Variants in HDC observed in about 807,000 individuals in gnomAD.
The protein encoded by HDC is histidine decarboxylase.
In HDC, 27 loss-of-function variants were observed where a neutral mutation model predicts 64.4. That is an observed-to-expected ratio of 0.42 (90% CI 0.31 to 0.58). HDC has a LOEUF of 0.58. HDC is among the 20% of genes least tolerant of loss of function. The pLI, the probability that HDC is intolerant of heterozygous loss-of-function variation, is 0.16. For missense variants in HDC, 711 were observed against 833.9 expected, an observed-to-expected ratio of 0.85 and a Z score of 1.81; for synonymous variants, 305 against 314.2, an observed-to-expected ratio of 0.97 and a Z score of 0.31.
intron 2 of HDC, among the ~76,000 whole-genome samples, chr15:50,261,872 G>A (rs2045708362): frequency 6.6e-6 from 1 of 151,938 alleles, no homozygotes; most frequent in African/African-American, 2.4e-5. Flanking sequence ...ACCATGCCCA[G>A]CTAATTTTGT....
chr15:50,255,563 C>A (rs1236211425), intron 4 of HDC, among the ~76,000 whole-genome samples: 1 of 152,086 alleles, frequency 6.6e-6, no homozygotes, highest in African/African-American at 2.4e-5. Context: ...AATCCCAGCA[C>A]TTTGGGAGGA....
At chr15:50,251,137 T>C (rs2045549036) in intron 9 of HDC, among the ~76,000 whole-genome samples, 2 of 152,202 alleles carry the variant, frequency 1.3e-5, no homozygotes, top group African/African-American at 4.8e-5. Flanking sequence ...ATCAGCCTCA[T>C]TTGACACAAG....
intron 1 of HDC, among the ~76,000 whole-genome samples, chr15:50,264,949 G>A (rs1424078123): frequency 6.6e-6 from 1 of 152,196 alleles, no homozygotes; most frequent in Non-Finnish European, 1.5e-5. Context: ...TCAGCTGACA[G>A]TGCCTTAGGA....
intron 9 of HDC, among the ~76,000 whole-genome samples, chr15:50,250,295 G>A (rs2045537336): frequency 6.6e-6 from 1 of 152,198 alleles, no homozygotes; most frequent in Non-Finnish European, 1.5e-5. Flanking sequence ...TAGCTCTGAG[G>A]ACCCTCAGGA....
chr15:50,253,422 G>A (rs2045584294), intron 7 of HDC, 178 bp downstream of exon 7: 1 of 689,566 alleles, frequency 1.5e-6, no homozygotes, highest in African/African-American at 1.8e-5. Context: ...CACTGGGAAA[G>A]GCAATGTCCA....
Position 50,263,417 on chromosome 15 carries a change from A to G in HDC, c.32-10T>C, listed in dbSNP as rs373699511. The G allele has an allele frequency of 9.5e-5, 153 of 1,613,830 alleles. 1 individual carries two copies. Among genetic ancestry groups the G allele is most frequent in the Non-Finnish European group, 1.2e-4 (141 of 1,179,832 alleles). ...TCCACCATCTCTCTCCCTAGAAGTG[A>G]CATAGAGAAATCAGGCTGAAATCCC... On this transcript the variant is annotated splice_polypyrimidine_tract_variant and intron_variant, in intron 1 of 11. Coordinates refer to ENST00000267845, the MANE Select transcript of HDC (RefSeq NM_002112.4).
intron 2 of HDC, among the ~76,000 whole-genome samples, chr15:50,260,446 C>CT (rs2045687969): frequency 6.6e-6 from 1 of 152,118 alleles, no homozygotes; most frequent in South Asian, 2.1e-4. Context: ...ATCCTGTCTC[C>CT]TAGGGTTGTT....
At chr15:50,247,390 TA>T (rs1344407520) in intron 10 of HDC, among the ~76,000 whole-genome samples, 1 of 152,166 alleles carries the variant, frequency 6.6e-6, no homozygotes, top group African/African-American at 2.4e-5. Context: ...GCATAATAAT[TA>T]TTTTTTTTAA....
At chr15:50,253,337 A>G (rs2045583103) in intron 7 of HDC, 1 of 540,886 alleles carries the variant, frequency 1.8e-6, no homozygotes, top group African/African-American at 1.9e-5. Context: ...TAAGAGGATG[A>G]GAAAACCGAA....
Position 50,242,955 on chromosome 15 carries a change from G to A in HDC, c.1294C>T (p.Arg432Cys), listed in dbSNP as rs771125639. 129 of 1,613,922 alleles carry A rather than the reference G, an allele frequency of 8.0e-5. No homozygotes were observed. Among genetic ancestry groups the A allele is most frequent in the South Asian group, 2.5e-4 (23 of 91,074 alleles). The change falls in exon 12 of 12, where the codon CGT becomes TGT. Residue 432 changes from arginine to cysteine, a missense_variant. This residue lies in a region of HDC where 483 missense variants were observed against 540.9 expected (regional missense o/e 0.89). Transcript: ENST00000267845. ...NVLKEIAKAG[R>C]LFLIPATIQD... ...ATAGTGGCCGGGATGAGGAAGAGAC[G>A]GCCAGCTTTAGCTATTTCCTTTAAC... is the stretch of plus-strand genomic sequence containing the variant.
At chr15:50,258,641 A>C in intron 2 of HDC, 124 bp from the exon 3 acceptor site, 1 of 704,220 alleles carries the variant, frequency 1.4e-6, no homozygotes, top group South Asian at 1.5e-5. Context: ...TTTAAGCAGA[A>C]ATAAGTGACA....
At chr15:50,264,232 C>T (rs1262418221) in intron 1 of HDC, among the ~76,000 whole-genome samples, 1 of 152,052 alleles carries the variant, frequency 6.6e-6, no homozygotes, top group East Asian at 1.9e-4. Context: ...CTTTTTTGGA[C>T]TCATATGAGG....
chr15:50,263,425 A>G lies in HDC; in HGVS notation c.32-18T>C, dbSNP rs2045730868. On this transcript the variant is annotated intron_variant, in intron 1 of 11. Transcript: ENST00000267845. Reference sequence around the variant, plus strand: ...CTCTCTCCCTAGAAGTGACATAGAGAAATCAGGCTGAAATCCCCTGACTGG... The same window carrying G: ...CTCTCTCCCTAGAAGTGACATAGAGGAATCAGGCTGAAATCCCCTGACTGG... 6.2e-7 allele frequency: 1 copy of G among 1,613,284 alleles called. No individual in the cohort carries two copies. The highest frequency in any genetic ancestry group is 1.7e-5 in the Admixed American group (1 of 59,930).
At chr15:50,245,566 TGA>T (rs1213092174) in intron 10 of HDC, among the ~76,000 whole-genome samples, 1 of 152,232 alleles carries the variant, frequency 6.6e-6, no homozygotes, top group African/African-American at 2.4e-5. Context: ...TCATTTAATT[TGA>T]GAGAGGTAGT....
chr15:50,265,584 G>C lies in HDC; in HGVS notation c.31+9C>G. 6.2e-7 allele frequency: 1 copy of C among 1,613,448 alleles called. No homozygotes were observed. Among genetic ancestry groups the C allele is most frequent in the Non-Finnish European group, 8.5e-7 (1 of 1,179,434 alleles). On this transcript the variant is annotated intron_variant, in intron 1 of 11. Transcript: ENST00000267845. ...GCAGGGAAGAGGGCCAGGGATGCCC[G>C]TTGCTCACCTCTCTCTCTGTACTCC...
chr15:50,253,467 G>A lies in HDC; in HGVS notation c.787+133C>T, dbSNP rs927986394. The A allele has an allele frequency of 8.3e-6, 7 of 838,598 alleles. No individual in the cohort carries two copies. The African/African-American group carries it at 1.2e-4, about 14-fold the overall frequency. 51.9% of individuals were successfully genotyped at this position (838,598 alleles called of 1,614,324 possible). ...GGAAGAGACCCTCATGACCTTTGGT[G>A]GTTCTTCCCATGTCTCTGCATTGAC... On this transcript the variant is annotated intron_variant, in intron 7 of 11. Coordinates refer to ENST00000267845, the MANE Select transcript of HDC (RefSeq NM_002112.4).
intron 10 of HDC, 40 bp from the exon 11 acceptor site, chr15:50,243,284 A>C (rs2045428448): frequency 7.8e-7 from 1 of 1,285,030 alleles, no homozygotes; most frequent in Non-Finnish European, 1.1e-6. Context: ...ATTAATCATC[A>C]GACAAGAGAC....
chr15:50,255,899 T>G (rs1361426513), intron 4 of HDC, among the ~76,000 whole-genome samples: 2 of 152,228 alleles, frequency 1.3e-5, no homozygotes, highest in African/African-American at 4.8e-5. Context: ...CAACACCTCT[T>G]TGAGATAATT....
At position 50,248,362 on chromosome 15, in the gene HDC, A is replaced by G. The variant is rs1250355268; in HGVS notation, c.1042-19T>C. 6.3e-7 allele frequency: 1 copy of G among 1,585,130 alleles called. No homozygotes were observed. Among genetic ancestry groups the G allele is most frequent in the Admixed American group, 1.7e-5 (1 of 59,942 alleles). ...GCCAGTGCTAGAAACAAAGGAACAC[A>G]GTGCCCAAGGTTAGAGACAAGGGTG... On this transcript the variant is annotated intron_variant, in intron 9 of 11. Coordinates refer to ENST00000267845, the MANE Select transcript of HDC (RefSeq NM_002112.4). This position sits in a 1 kb window ranked among gnomAD's most constrained non-coding sequence, Gnocchi z 4.3.
Sources: allele counts gnomAD v4.1 joint callset (sites outside exome capture counted in the v4.1 genomes callset), GRCh38; gene constraint gnomAD v4.1.1; regional missense constraint gnomAD v4.1.1; non-coding constraint Gnocchi (gnomAD v3.1); transcripts MANE v1.5; gene names NCBI Gene and HGNC (gene_info 2026-07-23, HGNC 2026-07-21).